The following SNRPN variants were observed in gnomAD, a reference collection of about 807,000 sequenced individuals.
SNRPN encodes small nuclear ribonucleoprotein polypeptide N, also known as small nuclear ribonucleoprotein-associated protein N.
In SNRPN, 7 loss-of-function variants were observed where a neutral mutation model predicts 25.2. The ratio of observed to expected loss-of-function variants is 0.28; its 90% CI spans 0.16 to 0.52. SNRPN has a LOEUF of 0.52. SNRPN is among the 20% of genes least tolerant of loss of function. The probability of loss-of-function intolerance (pLI) is 0.96; values close to 1 mark genes in which losing one functional copy is unlikely to be tolerated. For synonymous variants in SNRPN, 124 were observed against 110.6 expected, an observed-to-expected ratio of 1.12 and a Z score of -0.76; for missense variants, 196 against 322.5, an observed-to-expected ratio of 0.61 and a Z score of 3.00.
chr15:24,973,442 G>T (rs902142348), intron 3 of SNRPN, among the ~76,000 whole-genome samples: 1 of 152,028 alleles, frequency 6.6e-6, no homozygotes, highest in South Asian at 2.1e-4. Flanking sequence ...TTGTTGCCCA[G>T]GCTGGAGTGC....
intron 2 of SNRPN, among the ~76,000 whole-genome samples, chr15:24,887,890 C>A (rs1041254115): frequency 6.6e-6 from 1 of 151,666 alleles, no homozygotes; most frequent in South Asian, 2.1e-4. Flanking sequence ...CAGAGAGGAC[C>A]CCCCAGGCTC....
chr15:24,917,496 G>A (rs2059602262), intron 2 of SNRPN, among the ~76,000 whole-genome samples: 1 of 152,220 alleles, frequency 6.6e-6, no homozygotes, highest in Admixed American at 6.5e-5. Flanking sequence ...TTCAGGGGAT[G>A]TTCCATGCCT....
chr15:24,920,439 G>T (rs999538999), intron 3 of SNRPN: 1 of 152,084 alleles, frequency 6.6e-6, no homozygotes. Flanking sequence ...TAAACACAGC[G>T]TGCAAGCTCC....
intron 2 of SNRPN, among the ~76,000 whole-genome samples, chr15:24,914,479 A>G (rs2059402914): frequency 1.3e-5 from 2 of 152,152 alleles, no homozygotes; most frequent in African/African-American, 4.8e-5. Context: ...GGGATCGATC[A>G]CTTGAGCCCA....
chr15:24,890,066 A>AT (rs1274892559), intron 2 of SNRPN, among the ~76,000 whole-genome samples: 2 of 150,476 alleles, frequency 1.3e-5, no homozygotes, highest in African/African-American at 4.9e-5. Flanking sequence ...AAAAAAAAAA[A>AT]GGATATCCTC....
chr15:24,962,258 A>G, intron 2 of SNRPN, 49 bp downstream of exon 2: 1 of 1,452,606 alleles, frequency 6.9e-7, no homozygotes, highest in Non-Finnish European at 9.7e-7. Flanking sequence ...ATCTCCTTTC[A>G]GATTAGAACA....
intron 2 of SNRPN, chr15:24,848,222 G>T (rs1406213867): frequency 7.2e-6 from 1 of 138,152 alleles, no homozygotes; most frequent in Admixed American, 7.2e-5. Flanking sequence ...TGGGGGGCGG[G>T]GGCGGCGGTG....
At chr15:24,867,094 G>A (rs907239255) in intron 1 of SNRPN, among the ~76,000 whole-genome samples, 1 of 152,142 alleles carries the variant, frequency 6.6e-6, no homozygotes. Context: ...ATATACATGA[G>A]TGTAGGTATC....
chr15:24,881,929 C>T (rs143626307), intron 1 of SNRPN, among the ~76,000 whole-genome samples: 33 of 152,216 alleles, frequency 2.2e-4, no homozygotes, highest in Admixed American at 6.5e-4. Context: ...GCGCTAGAGG[C>T]GGAACAAGAT....
At chr15:24,840,689 A>G (rs1045558704) in intron 2 of SNRPN, among the ~76,000 whole-genome samples, 1 of 152,190 alleles carries the variant, frequency 6.6e-6, no homozygotes, top group Non-Finnish European at 1.5e-5. Flanking sequence ...CGACCTAACC[A>G]GCTGCCAGGC....
chr15:24,844,045 C>T (rs1396996299), intron 2 of SNRPN, among the ~76,000 whole-genome samples: 1 of 151,796 alleles, frequency 6.6e-6, no homozygotes, highest in Non-Finnish European at 1.5e-5. Flanking sequence ...TATCATTTTG[C>T]ATCCTAACAG....
chr15:24,869,048 G>A (rs1372905555), intron 1 of SNRPN, among the ~76,000 whole-genome samples: 5 of 152,094 alleles, frequency 3.3e-5, no homozygotes, highest in Non-Finnish European at 5.9e-5. Flanking sequence ...GGGAGGCTGA[G>A]GCAGCAGGAT....
In SNRPN at chr15:24,963,352, C is replaced by T. The variant is rs540533586; in HGVS notation, c.-295+1143C>T. On this transcript the variant is annotated intron_variant, in intron 2 of 9. Transcript: ENST00000390687. Reference sequence around the variant, plus strand: ...GCAGTGTAGGCCAGGCATGGTGGCCCATGCCTGTAATCCCAGCACTTTGGG... The same window carrying T: ...GCAGTGTAGGCCAGGCATGGTGGCCTATGCCTGTAATCCCAGCACTTTGGG... Among the ~76,000 whole-genome samples, 28 of 152,278 alleles carry T rather than the reference C, an allele frequency of 1.8e-4. No individual in the cohort carries two copies. The East Asian group carries it at 5.4e-3, about 29-fold the overall frequency.
chr15:24,928,383 T>G (rs2060560682), intron 3 of SNRPN, among the ~76,000 whole-genome samples: 1 of 151,734 alleles, frequency 6.6e-6, no homozygotes, highest in African/African-American at 2.4e-5. Flanking sequence ...CACAATGGAA[T>G]ACTATTTAGC....
Position 24,915,968 on chromosome 15 carries a change from C to CTTT in SNRPN, c.-504-4024_-504-4022dup, listed in dbSNP as rs35835568. Reference sequence around the variant, plus strand: ...TGTGGTTTTTTTTTGGCCAGGTTGACTTTTTTTTTTTTTTTTTTTTTGAGA... The same window carrying CTTT: ...TGTGGTTTTTTTTTGGCCAGGTTGACTTTTTTTTTTTTTTTTTTTTTTTTGAGA... On this transcript the variant is annotated intron_variant, in intron 2 of 11. Transcript: ENST00000400097. 6.5e-3 allele frequency among the ~76,000 whole-genome samples: 634 copies of CTTT among 97,390 alleles called. 30 individuals are homozygous for CTTT. Among genetic ancestry groups the CTTT allele is most frequent in the African/African-American group, 0.011 (272 of 25,368 alleles). The allele number at this position is 97,390 out of a possible 152,430, so 63.9% of individuals were successfully genotyped here. A position where few individuals can be genotyped will look rare whatever the true frequency, so the allele number is the denominator to read the frequency against.
chr15:24,826,529 C>T (rs960985080), intron 1 of SNRPN, among the ~76,000 whole-genome samples: 1 of 152,090 alleles, frequency 6.6e-6, no homozygotes, highest in Non-Finnish European at 1.5e-5. Flanking sequence ...GTTAGTTTTT[C>T]TGCAGTATTT....
At chr15:24,914,642 T>C (rs953428524) in intron 2 of SNRPN, among the ~76,000 whole-genome samples, 1 of 152,220 alleles carries the variant, frequency 6.6e-6, no homozygotes, top group African/African-American at 2.4e-5. Context: ...CAGAGTCTAA[T>C]TCACCAGTGG....
intron 2 of SNRPN, among the ~76,000 whole-genome samples, chr15:24,840,155 C>T (rs1177988390): frequency 6.6e-6 from 1 of 152,018 alleles, no homozygotes; most frequent in South Asian, 2.1e-4. Context: ...GTCAGGAGTT[C>T]GAGACCAGCC....
Position 24,943,670 on chromosome 15 carries a change from A to C in SNRPN, c.-390-18444A>C, listed in dbSNP as rs74403795. Among the ~76,000 whole-genome samples the C allele has an allele frequency of 7.9e-3, 1,210 of 152,212 alleles. 11 individuals carry two copies. The highest frequency in any genetic ancestry group is 0.027 in the African/African-American group (1,139 of 41,528). ...AGTAGCAGGCCAACAGCTGTTTCTC[A>C]AAAGGAGGGTAGTTAACTACAGAGG... On this transcript the variant is annotated intron_variant, in intron 3 of 11. Transcript: ENST00000400097.
Sources: allele counts gnomAD v4.1 joint callset (sites outside exome capture counted in the v4.1 genomes callset), GRCh38; gene constraint gnomAD v4.1.1; transcripts MANE v1.5; gene names NCBI Gene and HGNC (gene_info 2026-07-23, HGNC 2026-07-21).